BRINP1: variants seen among roughly 807,000 people sequenced by gnomAD.
The protein encoded by BRINP1 is BMP/retinoic acid inducible neural specific 1.
BRINP1 carries 17 observed loss-of-function variants against 72.9 expected under a neutral mutation model. That is an observed-to-expected ratio of 0.23 (90% CI 0.16 to 0.35). The LOEUF is 0.35. Ranked by LOEUF, BRINP1 falls within the 10% of genes least tolerant of loss-of-function variation. The probability of loss-of-function intolerance (pLI) is 1.00; values close to 1 mark genes in which losing one functional copy is unlikely to be tolerated. For missense variants in BRINP1, 850 were observed against 1,001.6 expected, an observed-to-expected ratio of 0.85 and a Z score of 2.04; for synonymous variants, 418 against 378.5, an observed-to-expected ratio of 1.10 and a Z score of -1.21.
intron 2 of BRINP1, among the ~76,000 whole-genome samples, chr9:119,257,299 T>A (rs1462129768): frequency 6.6e-6 from 1 of 152,154 alleles, no homozygotes; most frequent in Non-Finnish European, 1.5e-5. Flanking sequence ...TTCCTGTGAG[T>A]TTGATGGGCT....
intron 2 of BRINP1, among the ~76,000 whole-genome samples, chr9:119,249,912 C>T (rs185846298): frequency 4.3e-5 from 3 of 68,984 alleles, no homozygotes; most frequent in East Asian, 4.5e-4. Context: ...AGGGAGGGAC[C>T]GGATGAAGGG....
chr9:119,254,768 T>A (rs1251969552), intron 2 of BRINP1, among the ~76,000 whole-genome samples: 1 of 152,248 alleles, frequency 6.6e-6, no homozygotes, highest in Admixed American at 6.5e-5. Flanking sequence ...ACCACTCAAC[T>A]GTGTCCTTGT....
intron 7 of BRINP1, among the ~76,000 whole-genome samples, chr9:119,205,545 G>A: frequency 6.6e-6 from 1 of 152,112 alleles, no homozygotes; most frequent in East Asian, 1.9e-4. Flanking sequence ...ACTTGCCCAA[G>A]GACACACAGC....
chr9:119,352,120 A>G lies in BRINP1; in HGVS notation c.-51+16936T>C, dbSNP rs117513850. ...GCCTGCTTCAAGTTTTCTATTACTCAAGATAAATGTTTGTCTTAGGTATCC... is the reference window on the plus strand; with the variant it reads ...GCCTGCTTCAAGTTTTCTATTACTCGAGATAAATGTTTGTCTTAGGTATCC... On this transcript the variant is annotated intron_variant, in intron 1 of 7. Coordinates refer to ENST00000265922, the MANE Select transcript of BRINP1 (RefSeq NM_014618.3). Among the ~76,000 whole-genome samples, 502 of 152,258 alleles carry G rather than the reference A, an allele frequency of 3.3e-3. 4 individuals carry two copies. Among genetic ancestry groups the G allele is most frequent in the Non-Finnish European group, 5.4e-3 (365 of 68,008 alleles).
chr9:119,357,677 A>C (rs1157037095), intron 1 of BRINP1, among the ~76,000 whole-genome samples: 1 of 152,170 alleles, frequency 6.6e-6, no homozygotes, highest in Non-Finnish European at 1.5e-5. Context: ...TGTTAAGGAG[A>C]TTTAAGAAAG....
intron 1 of BRINP1, among the ~76,000 whole-genome samples, chr9:119,326,243 T>A (rs1251866543): frequency 2.0e-5 from 3 of 152,228 alleles, no homozygotes; most frequent in Non-Finnish European, 4.4e-5. Flanking sequence ...TTCTAAGTGC[T>A]ATGACTCAGG....
intron 1 of BRINP1, among the ~76,000 whole-genome samples, chr9:119,328,797 G>A (rs1564249607): frequency 1.3e-5 from 2 of 152,232 alleles, no homozygotes; most frequent in East Asian, 1.9e-4. Context: ...GCTGAGATTT[G>A]GCTTGGGAGT....
At chr9:119,320,247 C>T (rs1831171691) in intron 1 of BRINP1, among the ~76,000 whole-genome samples, 1 of 152,022 alleles carries the variant, frequency 6.6e-6, no homozygotes, top group East Asian at 1.9e-4. Flanking sequence ...GAACCAGGGC[C>T]CTGAGGCAGC....
intron 6 of BRINP1, 60 bp from the exon 7 acceptor site, chr9:119,209,001 G>A: frequency 7.2e-7 from 1 of 1,391,150 alleles, no homozygotes; most frequent in East Asian, 2.3e-5. Flanking sequence ...ATCTAAAGTG[G>A]CCTTGAATGC....
At chr9:119,284,858 G>A (rs1023729374) in intron 2 of BRINP1, among the ~76,000 whole-genome samples, 11 of 152,032 alleles carry the variant, frequency 7.2e-5, no homozygotes, top group Non-Finnish European at 1.0e-4. Context: ...AAGGGAGCCG[G>A]CTCATGGAAA....
intron 4 of BRINP1, among the ~76,000 whole-genome samples, chr9:119,239,542 A>G (rs943820706): frequency 1.3e-5 from 2 of 152,206 alleles, no homozygotes; most frequent in African/African-American, 4.8e-5. Flanking sequence ...CCCATTATTT[A>G]GGGTTGTTTT....
At position 119,173,570 on chromosome 9, in the gene BRINP1, G is replaced by A. The variant is rs560893362; in HGVS notation, c.1146-5346C>T. ...TGGCCATACTGGCCATACTGCCCAA[G>A]GTAATTTACAGATTCAATGCCATCC... On this transcript the variant is annotated intron_variant, in intron 7 of 7. Transcript: ENST00000265922. Among the ~76,000 whole-genome samples, 288 of 152,136 alleles carry A rather than the reference G, an allele frequency of 1.9e-3. 1 individual carries two copies. Among genetic ancestry groups the A allele is most frequent in the Middle Eastern group, 0.014 (4 of 294 alleles).
At chr9:119,264,190 T>C (rs1830524931) in intron 2 of BRINP1, among the ~76,000 whole-genome samples, 1 of 152,226 alleles carries the variant, frequency 6.6e-6, no homozygotes, top group Non-Finnish European at 1.5e-5. Flanking sequence ...AATTAATCCT[T>C]AACACCTTAG....
rs1418182936 is a variant in BRINP1 at position 119,213,957 on chromosome 9, T to G, written c.884A>C (p.Lys295Thr). The part of the protein sequence containing the change: ...IMEYTLANMA[K>T]SWAEAYKDLE... ...GTCCTTATAAGCTTCGGCCCAAGAC[T>G]TGGCCATGTTGGCCAGCGTGTACTC... The change falls in exon 6 of 8, where the codon AAG becomes ACG. Residue 295 changes from lysine (K) to threonine (T), a missense_variant. Lys to Thr is a moderately conservative substitution (Grantham distance 78, BLOSUM62 -1). Transcript: ENST00000265922. 3 of 1,614,058 alleles carry G rather than the reference T, an allele frequency of 1.9e-6. No individual in the cohort carries two copies. The African/African-American group carries it at 4.0e-5, about 22-fold the overall frequency.
chr9:119,305,861 G>A (rs1322953687), intron 2 of BRINP1, among the ~76,000 whole-genome samples: 1 of 152,180 alleles, frequency 6.6e-6, no homozygotes, highest in Non-Finnish European at 1.5e-5. Flanking sequence ...AAACAGTGCA[G>A]GGCCTGACTA....
rs750174428 is a variant in BRINP1, at chr9:119,242,125, G to A, written c.501C>T (p.Leu167=). ...ATQSVEALHQ[L]ASSYFVDRDG... Reference sequence around the variant, plus strand: ...CACGGTCAACAAAGTAGGATGATGCGAGCTGGTGCAGAGCTTCAACACTTT... The same window carrying A: ...CACGGTCAACAAAGTAGGATGATGCAAGCTGGTGCAGAGCTTCAACACTTT... The change falls in exon 4 of 8, where the codon CTC becomes CTT. Residue 167 remains leucine (L), a synonymous_variant. Transcript: ENST00000265922. 161 of 1,614,112 alleles carry A rather than the reference G, an allele frequency of 1.0e-4. No individual in the cohort carries two copies. In the East Asian group the frequency reaches 2.2e-3, roughly 22 times the overall value.
chr9:119,352,018 G>A (rs914311357), intron 1 of BRINP1, among the ~76,000 whole-genome samples: 9 of 151,972 alleles, frequency 5.9e-5, no homozygotes, highest in East Asian at 3.9e-4. Context: ...GGCTGGTCTC[G>A]AACTCCCGAC....
chr9:119,282,569 TAAAAG>T (rs1200797307), intron 2 of BRINP1, among the ~76,000 whole-genome samples: 1 of 151,844 alleles, frequency 6.6e-6, no homozygotes, highest in Non-Finnish European at 1.5e-5. Flanking sequence ...AAATGGGTGA[TAAAAG>T]AAAAGGAAAC....
intron 1 of BRINP1, among the ~76,000 whole-genome samples, chr9:119,323,962 C>T (rs1443141526): frequency 6.6e-6 from 1 of 152,138 alleles, no homozygotes; most frequent in Non-Finnish European, 1.5e-5. Context: ...CCCAAATTTT[C>T]ACCTGAAAAA....
Sources: allele counts gnomAD v4.1 joint callset (sites outside exome capture counted in the v4.1 genomes callset), GRCh38; gene constraint gnomAD v4.1.1; transcripts MANE v1.5; gene names NCBI Gene and HGNC (gene_info 2026-07-23, HGNC 2026-07-21).